The following LRRTM4 variants were observed in gnomAD, a reference collection of about 807,000 sequenced individuals.
LRRTM4 encodes the protein leucine-rich repeat transmembrane neuronal protein 4.
Under a neutral mutation model 47.6 loss-of-function variants are expected in LRRTM4, and 25 were observed. That is an observed-to-expected ratio of 0.53 (90% CI 0.38 to 0.73). The LOEUF (loss-of-function observed/expected upper bound fraction) is 0.73. Ranked by LOEUF, LRRTM4 falls within the 30% of genes least tolerant of loss-of-function variation. The pLI, the probability that LRRTM4 is intolerant of heterozygous loss-of-function variation, is 0.00. For missense variants in LRRTM4, 638 were observed against 713.4 expected, an observed-to-expected ratio of 0.89 and a Z score of 1.20; for synonymous variants, 311 against 269.5, an observed-to-expected ratio of 1.15 and a Z score of -1.51.
At chr2:77,406,610 C>T (rs76216949) in intron 3 of LRRTM4, among the ~76,000 whole-genome samples, 1 of 151,924 alleles carries the variant, frequency 6.6e-6, no homozygotes, top group Non-Finnish European at 1.5e-5. Flanking sequence ...CTGACATGCT[C>T]TCTTTTAGTA....
At chr2:77,001,906 C>G (rs868758372) in intron 3 of LRRTM4, among the ~76,000 whole-genome samples, 4 of 152,138 alleles carry the variant, frequency 2.6e-5, no homozygotes, top group African/African-American at 4.8e-5. Context: ...CAGCTCACCC[C>G]TCCTGTTAAA....
intron 3 of LRRTM4, among the ~76,000 whole-genome samples, chr2:77,435,456 C>T (rs1240156204): frequency 6.6e-6 from 1 of 152,096 alleles, no homozygotes; most frequent in Non-Finnish European, 1.5e-5. Flanking sequence ...CCTATATGTG[C>T]ATATTCTTTA....
chr2:77,425,477 T>C (rs537334752), intron 3 of LRRTM4, among the ~76,000 whole-genome samples: 1 of 152,342 alleles, frequency 6.6e-6, no homozygotes, highest in East Asian at 1.9e-4. Context: ...TTTATGTTTC[T>C]TCTCTTATGT....
chr2:76,897,182 T>C (rs1417365382), intron 3 of LRRTM4, among the ~76,000 whole-genome samples: 1 of 152,158 alleles, frequency 6.6e-6, no homozygotes, highest in Non-Finnish European at 1.5e-5. Context: ...TGAATTTTGC[T>C]TGTTTGCCCC....
At chr2:76,840,927 A>G (rs1039887700) in intron 3 of LRRTM4, among the ~76,000 whole-genome samples, 3 of 151,854 alleles carry the variant, frequency 2.0e-5, no homozygotes, top group South Asian at 2.1e-4. Flanking sequence ...ATTACTGGGT[A>G]TATACCCAAA....
chr2:77,184,699 AT>A (rs1201425261), intron 3 of LRRTM4, among the ~76,000 whole-genome samples: 2 of 152,148 alleles, frequency 1.3e-5, no homozygotes, highest in Non-Finnish European at 2.9e-5. Flanking sequence ...AACAAGCACA[AT>A]TCAGAAAAAC....
At chr2:77,158,151 C>T (rs138368240) in intron 3 of LRRTM4, among the ~76,000 whole-genome samples, 1 of 152,024 alleles carries the variant, frequency 6.6e-6, no homozygotes, top group Non-Finnish European at 1.5e-5. Flanking sequence ...GGCTTCTGGC[C>T]AACTTCTCTC....
At position 77,415,944 on chromosome 2, in the gene LRRTM4, T is replaced by G. The variant is rs911892965; in HGVS notation, c.1551+102374A>C. On this transcript the variant is annotated intron_variant, in intron 3 of 3. Transcript: ENST00000409884. ...CTAGCTAACTTGCCAAATCCAAACA[T>G]GATGGATTTATTTTTGGTTACTAGA... is the stretch of plus-strand genomic sequence containing the variant. 3.3e-5 allele frequency among the ~76,000 whole-genome samples: 5 copies of G among 152,222 alleles called. No homozygotes were observed. In the East Asian group the frequency reaches 9.6e-4, roughly 29 times the overall value.
intron 3 of LRRTM4, among the ~76,000 whole-genome samples, chr2:77,304,782 T>G (rs945777107): frequency 6.6e-6 from 1 of 152,130 alleles, no homozygotes; most frequent in African/African-American, 2.4e-5. Flanking sequence ...TTGGTATTAT[T>G]ATGTCCATTT....
chr2:76,900,366 T>C (rs1185322254), intron 3 of LRRTM4, among the ~76,000 whole-genome samples: 2 of 152,032 alleles, frequency 1.3e-5, no homozygotes, highest in African/African-American at 4.8e-5. Flanking sequence ...GTTTGCAATA[T>C]GTATCAAAGG....
At chr2:77,026,163 G>A (rs745905812) in intron 3 of LRRTM4, among the ~76,000 whole-genome samples, 9 of 152,074 alleles carry the variant, frequency 5.9e-5, no homozygotes, top group Non-Finnish European at 7.4e-5. Flanking sequence ...GTAGTAATTA[G>A]CATTACAAGA....
At chr2:76,946,616 G>T (rs916682874) in intron 3 of LRRTM4, among the ~76,000 whole-genome samples, 2 of 151,678 alleles carry the variant, frequency 1.3e-5, no homozygotes, top group African/African-American at 4.8e-5. Flanking sequence ...TTAAAATCAG[G>T]ATAATAATTT....
chr2:76,873,539 A>G (rs1672698792), intron 3 of LRRTM4, among the ~76,000 whole-genome samples: 1 of 95,664 alleles, frequency 1.0e-5, no homozygotes. Context: ...TATATACAAC[A>G]TAGTTGTAAA....
rs191399183 is a variant in LRRTM4 at position 76,948,477 on chromosome 2, A to G, written c.1552-199561T>C. On this transcript the variant is annotated intron_variant, in intron 3 of 3. Coordinates refer to ENST00000409884, the MANE Select transcript of LRRTM4 (RefSeq NM_001134745.3). The stretch of plus-strand genomic sequence containing the variant: ...GAAATAGTTCATTTTAGGATGTGTC[A>G]TCTCTTTTCATATTTTTTTGATATC... Among the ~76,000 whole-genome samples, 466 of 151,890 alleles carry G rather than the reference A, an allele frequency of 3.1e-3. 6 individuals carry two copies. Among genetic ancestry groups the G allele is most frequent in the African/African-American group, 0.011 (451 of 41,520 alleles).
chr2:77,446,604 C>T (rs1054967843), intron 3 of LRRTM4, among the ~76,000 whole-genome samples: 1 of 151,942 alleles, frequency 6.6e-6, no homozygotes, highest in African/African-American at 2.4e-5. Context: ...AAACTCATAC[C>T]TTTTTTGCTT....
rs67377276 is a variant in LRRTM4 at position 77,480,822 on chromosome 2, GGAGAGAGAGA to G, written c.1551+37486_1551+37495del. On this transcript the variant is annotated intron_variant, in intron 3 of 3. Coordinates refer to ENST00000409884, the MANE Select transcript of LRRTM4 (RefSeq NM_001134745.3). ...TGTGTGTGTGTGTGTGTGTGTGTGT[GGAGAGAGAGA>G]GAGAGAGAGAGAGAGAGAGAGAGAG... 1.5e-3 allele frequency among the ~76,000 whole-genome samples: 110 copies of G among 74,516 alleles called. 1 individual carries two copies. Among genetic ancestry groups the G allele is most frequent in the African/African-American group, 5.3e-3 (86 of 16,306 alleles). 48.9% of individuals were successfully genotyped at this position (74,516 alleles called of 152,430 possible). A position where few individuals can be genotyped will look rare whatever the true frequency, so the allele number is the denominator to read the frequency against.
intron 3 of LRRTM4, among the ~76,000 whole-genome samples, chr2:77,069,604 G>A (rs1298093598): frequency 6.6e-6 from 1 of 151,948 alleles, no homozygotes. Flanking sequence ...TACTTCGTGG[G>A]GGTAATGTTG....
chr2:77,210,108 G>C (rs1222116127), intron 3 of LRRTM4, among the ~76,000 whole-genome samples: 1 of 152,172 alleles, frequency 6.6e-6, no homozygotes, highest in Non-Finnish European at 1.5e-5. Flanking sequence ...AATTAATAAT[G>C]TTGCTGCTGC....
chr2:76,965,752 G>A (rs1558766253), intron 3 of LRRTM4, among the ~76,000 whole-genome samples: 1 of 151,222 alleles, frequency 6.6e-6, no homozygotes, highest in Non-Finnish European at 1.5e-5. Flanking sequence ...CACAGTACTT[G>A]AAAACAAATT....
Sources: gnomAD v4.1 joint callset for allele counts (sites outside exome capture counted in the v4.1 genomes callset) on GRCh38, gnomAD v4.1.1 for gene constraint, MANE v1.5 for transcripts, NCBI Gene and HGNC (gene_info 2026-07-23, HGNC 2026-07-21) for gene names.